Variants in PDZD2 observed in about 807,000 individuals in gnomAD.
PDZD2 encodes PDZ domain-containing protein 2.
PDZD2 carries 90 observed loss-of-function variants against 220.7 expected under a neutral mutation model. The observed-to-expected ratio is 0.41, with a 90% confidence interval of 0.34 to 0.49. The LOEUF (loss-of-function observed/expected upper bound fraction) is 0.49. PDZD2 is among the 20% of genes least tolerant of loss of function. PDZD2 has a pLI of 0.28. For missense variants in PDZD2, 3,174 were observed against 3,608.5 expected (o/e 0.88, Z 3.08); for synonymous variants, 1,375 against 1,450.5 (o/e 0.95, Z 1.18).
intron 1 of PDZD2, among the ~76,000 whole-genome samples, chr5:31,675,478 G>A (rs944821820): frequency 1.3e-5 from 2 of 152,010 alleles, no homozygotes; most frequent in South Asian, 4.1e-4. Context: ...CTATCAAAGG[G>A]ATAATAATAA....
intron 1 of PDZD2, among the ~76,000 whole-genome samples, chr5:31,669,957 A>G (rs1746152360): frequency 6.6e-6 from 1 of 152,136 alleles, no homozygotes; most frequent in Admixed American, 6.5e-5. Context: ...ATCTCATTAA[A>G]TCCTCTCCAC....
chr5:32,028,042 T>A (rs553999256), intron 6 of PDZD2, among the ~76,000 whole-genome samples: 17 of 152,140 alleles, frequency 1.1e-4, no homozygotes, highest in Non-Finnish European at 1.3e-4. Flanking sequence ...ATCTGCAGAT[T>A]TTTTCTTTTT....
At chr5:31,859,967 C>T (rs1737533968) in intron 2 of PDZD2, among the ~76,000 whole-genome samples, 1 of 152,132 alleles carries the variant, frequency 6.6e-6, no homozygotes, top group African/African-American at 2.4e-5. Context: ...CACAGAGGAC[C>T]TCTGCTGTAG....
chr5:32,097,351 G>A lies in PDZD2; in HGVS notation c.7918G>A (p.Gly2640Arg), dbSNP rs1320201957. 6.2e-7 allele frequency: 1 copy of A among 1,612,486 alleles called. No homozygotes were observed. Among genetic ancestry groups the A allele is most frequent in the East Asian group, 2.2e-5 (1 of 44,876 alleles). Residue 2640 changes from glycine to arginine, a missense_variant, in exon 22 of 25, where the codon GGG becomes AGG. Physicochemically the swap from Gly to Arg is moderately radical, Grantham distance 125 (BLOSUM62 -2). This residue lies in a region of PDZD2 where 631 missense variants were observed against 789.9 expected (regional missense o/e 0.80). Coordinates refer to ENST00000438447, the MANE Select transcript of PDZD2 (RefSeq NM_178140.4). ...GSGLGFSVAG[G>R]TDVEPKSITV... is the part of the protein sequence containing the mutation. ...AGGTCTGGGATTCAGTGTGGCAGGA[G>A]GGACAGATGTGGAGCCAAAATCAAT...
chr5:31,991,299 C>A (rs938695729), intron 3 of PDZD2, among the ~76,000 whole-genome samples: 2 of 152,104 alleles, frequency 1.3e-5, no homozygotes. Context: ...GTCACCCAAG[C>A]TAAAGATGCT....
chr5:31,784,678 G>A (rs1364283152), intron 1 of PDZD2, among the ~76,000 whole-genome samples: 2 of 145,940 alleles, frequency 1.4e-5, no homozygotes, highest in South Asian at 2.3e-4. Context: ...GGAGACCAAG[G>A]CAGGTGGATC....
At chr5:31,797,745 G>A (rs7726667) in intron 1 of PDZD2, among the ~76,000 whole-genome samples, 10,397 of 152,170 alleles carry the variant, frequency 0.068, 650 homozygotes, top group African/African-American at 0.17. Context: ...CGCAAAGCAC[G>A]CTATATTGGA....
chr5:32,075,593 G>A (rs1273284488), intron 18 of PDZD2, among the ~76,000 whole-genome samples: 1 of 152,128 alleles, frequency 6.6e-6, no homozygotes. Context: ...GTTACTACTT[G>A]GTTACGAGTA....
intron 3 of PDZD2, among the ~76,000 whole-genome samples, chr5:31,993,821 C>A (rs762219388): frequency 2.0e-5 from 3 of 152,084 alleles, no homozygotes; most frequent in African/African-American, 4.8e-5. Flanking sequence ...CAAAGTAAAT[C>A]ACTTTGGAAA....
intron 5 of PDZD2, among the ~76,000 whole-genome samples, chr5:32,007,563 T>G (rs1474565869): frequency 1.3e-5 from 2 of 152,208 alleles, no homozygotes; most frequent in African/African-American, 4.8e-5. Flanking sequence ...AACGTGAAAC[T>G]AGTAACAAAC....
At chr5:32,002,892 C>CCAACACACACA (rs1561313933) in intron 5 of PDZD2, among the ~76,000 whole-genome samples, 1 of 22,546 alleles carries the variant, frequency 4.4e-5, no homozygotes, top group Non-Finnish European at 8.5e-5. Context: ...ACCACACACA[C>CCAACACACACA]CAACACACAC....
In PDZD2 at chr5:32,089,208, C is replaced by G; in HGVS notation, c.5760C>G (p.Pro1920=). 6.2e-7 allele frequency: 1 copy of G among 1,614,172 alleles called. No individual in the cohort carries two copies. The highest frequency in any genetic ancestry group is 8.5e-7 in the Non-Finnish European group (1 of 1,180,022). ...ACCACAGGAAACCCTTGATCTCACC[C>G]CAGACCTCCCACAAAACACTTTCTA... is the stretch of plus-strand genomic sequence containing the variant. ...GTDHRKPLIS[P]QTSHKTLSKA... is the part of the protein sequence containing the mutation. Residue 1920 remains proline, a synonymous_variant, in exon 20 of 25, where the codon CCC becomes CCG. Transcript: ENST00000438447.
At chr5:31,723,945 G>C (rs1748957755) in intron 1 of PDZD2, among the ~76,000 whole-genome samples, 1 of 152,030 alleles carries the variant, frequency 6.6e-6, no homozygotes, top group Non-Finnish European at 1.5e-5. Flanking sequence ...TGAATAAACT[G>C]AGGTGTGAAA....
At chr5:31,753,014 T>C (rs1267158231) in intron 1 of PDZD2, among the ~76,000 whole-genome samples, 1 of 152,206 alleles carries the variant, frequency 6.6e-6, no homozygotes, top group Non-Finnish European at 1.5e-5. Flanking sequence ...TGATGATTAT[T>C]ATTTGAATTA....
At chr5:31,782,012 T>A (rs973585918) in intron 1 of PDZD2, among the ~76,000 whole-genome samples, 2 of 152,264 alleles carry the variant, frequency 1.3e-5, no homozygotes, top group South Asian at 4.1e-4. Context: ...ACTCATTCAC[T>A]CTATGCCGGC....
At chr5:31,840,596 G>T in intron 2 of PDZD2, 1 of 712,082 alleles carries the variant, frequency 1.4e-6, no homozygotes, top group Non-Finnish European at 2.6e-6. Context: ...CACTTCAGTT[G>T]AACCCAGGTA....
At position 31,768,144 on chromosome 5, in the gene PDZD2, CA is replaced by C. The variant is rs201058924; in HGVS notation, c.-360-30742del. 9.1e-3 allele frequency among the ~76,000 whole-genome samples: 1,382 copies of C among 152,258 alleles called. 11 individuals carry two copies. The highest frequency in any genetic ancestry group is 0.015 in the Non-Finnish European group (1,007 of 68,014). On this transcript the variant is annotated intron_variant, in intron 1 of 24. Transcript: ENST00000438447. ...GGTCTCTCCAGTGAGGTGGGGTAGG[CA>C]AAGTCTCACGTCAAAGAGGTTTAGC... is the stretch of plus-strand genomic sequence containing the variant.
chr5:31,958,121 C>T (rs116531276), intron 2 of PDZD2, among the ~76,000 whole-genome samples: 2,200 of 152,218 alleles, frequency 0.014, 57 homozygotes, highest in African/African-American at 0.05. Flanking sequence ...AAAATGTACA[C>T]ATTTAATATG....
chr5:31,789,273 T>C (rs1043634588), intron 1 of PDZD2, among the ~76,000 whole-genome samples: 1 of 152,238 alleles, frequency 6.6e-6, no homozygotes, highest in East Asian at 1.9e-4. Flanking sequence ...GAGCCAGGAC[T>C]GTATCTTATG....
Sources: gnomAD v4.1 joint callset for allele counts (sites outside exome capture counted in the v4.1 genomes callset) on GRCh38, gnomAD v4.1.1 for gene constraint, gnomAD v4.1.1 regional missense constraint, MANE v1.5 for transcripts, NCBI Gene and HGNC (gene_info 2026-07-23, HGNC 2026-07-21) for gene names.